ESR2: variants seen among roughly 807,000 people sequenced by gnomAD.
ESR2 encodes estrogen receptor 2, also known as estrogen receptor beta.
In ESR2, 36 loss-of-function variants were observed where a neutral mutation model predicts 49.6. That is an observed-to-expected ratio of 0.73 (90% CI 0.56 to 0.96). The LOEUF (loss-of-function observed/expected upper bound fraction) is 0.96, where lower values mean the gene tolerates loss of function less well. Ranked by LOEUF, ESR2 falls within the 40% of genes least tolerant of loss-of-function variation. The pLI, the probability that ESR2 is intolerant of heterozygous loss-of-function variation, is 0.00. For missense variants in ESR2, 714 were observed against 693.0 expected, an observed-to-expected ratio of 1.03 and a Z score of -0.34; for synonymous variants, 320 against 266.1, an observed-to-expected ratio of 1.20 and a Z score of -1.97.
intron 3 of ESR2, among the ~76,000 whole-genome samples, chr14:64,277,535 G>A (rs1028571863): frequency 3.4e-5 from 5 of 148,218 alleles, no homozygotes; most frequent in Non-Finnish European, 7.4e-5. Flanking sequence ...TGAGGCAGGA[G>A]AATGGTGTGA....
chr14:64,288,480 T>C (rs2076817730), intron 1 of ESR2, among the ~76,000 whole-genome samples: 1 of 151,746 alleles, frequency 6.6e-6, no homozygotes, highest in South Asian at 2.1e-4. Context: ...CTCAAGTAGC[T>C]GGGACTACAG....
At chr14:64,307,007 G>T (rs1023544902) in intron 1 of ESR2, among the ~76,000 whole-genome samples, 2 of 151,532 alleles carry the variant, frequency 1.3e-5, no homozygotes, top group African/African-American at 2.4e-5. Flanking sequence ...TGGTAATTTG[G>T]TTTTTTTCAA....
intron 1 of ESR2, among the ~76,000 whole-genome samples, chr14:64,328,901 G>C (rs1296569993): frequency 2.0e-5 from 3 of 152,010 alleles, no homozygotes; most frequent in African/African-American, 7.2e-5. Context: ...TAGCCCCTTG[G>C]CTCTGATATT....
chr14:64,252,089 G>T (rs1460479430), intron 6 of ESR2, among the ~76,000 whole-genome samples: 3 of 152,128 alleles, frequency 2.0e-5, no homozygotes, highest in African/African-American at 7.2e-5. Flanking sequence ...GGCCAAAGTG[G>T]GAGGATCACT....
At chr14:64,227,729 T>C, downstream of ESR2, 1 of 1,568,204 alleles carries the variant, frequency 6.4e-7, no homozygotes, top group East Asian at 2.2e-5. Flanking sequence ...TAAGGGCCTT[T>C]AAGCTGGTTT....
chr14:64,235,205 G>T, intron 7 of ESR2, 55 bp from the exon 8 acceptor site: 8 of 1,570,676 alleles, frequency 5.1e-6, no homozygotes, highest in Non-Finnish European at 6.9e-6. Context: ...AGCAGAAGTC[G>T]TGTGCTCAGC....
upstream of ESR2, among the ~76,000 whole-genome samples, chr14:64,298,006 C>T (rs1159896970): frequency 3.3e-5 from 5 of 152,088 alleles, no homozygotes; most frequent in South Asian, 2.1e-4. Flanking sequence ...ATTAATTGAA[C>T]GTGCAATAAC....
intron 7 of ESR2, among the ~76,000 whole-genome samples, chr14:64,246,494 C>T (rs1025982967): frequency 6.6e-6 from 1 of 151,980 alleles, no homozygotes; most frequent in Admixed American, 6.6e-5. Context: ...AATCTCTTTC[C>T]TTTATAAATT....
intron 8 of ESR2, chr14:64,234,637 G>T (rs1321925640): frequency 2.3e-6 from 1 of 438,026 alleles, no homozygotes; most frequent in East Asian, 3.5e-5. Context: ...CAGGGCCTCA[G>T]CCCTGGGTGG....
intron 7 of ESR2, among the ~76,000 whole-genome samples, chr14:64,237,931 G>A (rs1344577050): frequency 1.3e-5 from 2 of 152,314 alleles, no homozygotes; most frequent in East Asian, 3.9e-4. Context: ...TTCAGGTGAT[G>A]AAAATGTTCT....
rs140308562 is a variant in ESR2, at chr14:64,317,192, G to C, written c.-91+20706C>G. 8.8e-3 allele frequency among the ~76,000 whole-genome samples: 1,346 copies of C among 152,352 alleles called. 11 individuals carry two copies. Among genetic ancestry groups the C allele is most frequent in the Middle Eastern group, 0.02 (6 of 294 alleles). ...GAGGTGGGAGAACCACTTGAACCCA[G>C]AGGCAGAGGTTGCAGTGGGCCCAGG... On this transcript the variant is annotated intron_variant, in intron 1 of 8. Coordinates refer to the ESR2 transcript ENST00000358599.
intron 7 of ESR2, among the ~76,000 whole-genome samples, chr14:64,246,751 A>T (rs890210862): frequency 6.9e-6 from 1 of 145,860 alleles, no homozygotes. Context: ...AAAAAAAAAA[A>T]AAAAAAAAAA....
chr14:64,252,290 CCA>C (rs2076003356), intron 6 of ESR2, among the ~76,000 whole-genome samples: 1 of 136,118 alleles, frequency 7.3e-6, no homozygotes, highest in East Asian at 2.0e-4. Context: ...CCAGCCTGGG[CCA>C]CAGAGCGGGA....
intron 8 of ESR2, chr14:64,233,922 A>C (rs1194415245): frequency 2.6e-5 from 4 of 152,752 alleles, no homozygotes; most frequent in African/African-American, 9.7e-5. Flanking sequence ...AAGTCACCAA[A>C]AGCACAAAAA....
In ESR2 at chr14:64,257,383, G is replaced by A. The variant is rs372294809; in HGVS notation, c.953-19C>T. On this transcript the variant is annotated intron_variant, in intron 5 of 8. Coordinates refer to ENST00000341099, the MANE Select transcript of ESR2 (RefSeq NM_001437.3). ...ACAAAGCCTGGGGAAAGCAAGAGGC[G>A]GTGAGACACCCCCACCCCTCCTCCT... 1.1e-5 allele frequency: 17 copies of A among 1,611,936 alleles called. No homozygotes were observed. Among genetic ancestry groups the A allele is most frequent in the Admixed American group, 1.7e-5 (1 of 59,986 alleles).
rs182092785 is a variant in ESR2 at position 64,282,100 on chromosome 14, T to C, written c.362+524A>G. Among the ~76,000 whole-genome samples, 858 of 152,322 alleles carry C rather than the reference T, an allele frequency of 5.6e-3. 1 individual carries two copies. Among genetic ancestry groups the C allele is most frequent in the Non-Finnish European group, 6.8e-3 (465 of 68,018 alleles). ...TCATCACGTCTGTAATCCCAGCACTTTGGGAGGCCAAGGCAGGTGGATCAT... is the reference window on the plus strand; with the variant it reads ...TCATCACGTCTGTAATCCCAGCACTCTGGGAGGCCAAGGCAGGTGGATCAT... On this transcript the variant is annotated intron_variant, in intron 2 of 8. Transcript: ENST00000341099.
chr14:64,328,936 T>C (rs1294795846), intron 1 of ESR2, among the ~76,000 whole-genome samples: 4 of 152,250 alleles, frequency 2.6e-5, no homozygotes, highest in Admixed American at 2.6e-4. Context: ...TAAATTCTTA[T>C]TTAAAAATAA....
At chr14:64,295,571 C>G (rs919127873), upstream of ESR2, among the ~76,000 whole-genome samples, 12 of 152,118 alleles carry the variant, frequency 7.9e-5, no homozygotes, top group Admixed American at 5.9e-4. Flanking sequence ...GTCTCCCTGT[C>G]CTTGAGGCAG....
intron 2 of ESR2, among the ~76,000 whole-genome samples, chr14:64,280,413 T>G (rs1242235667): frequency 6.6e-6 from 1 of 152,190 alleles, no homozygotes; most frequent in African/African-American, 2.4e-5. Flanking sequence ...CTGATGAGCA[T>G]TTGTCACTGC....
Sources: gnomAD v4.1 joint callset for allele counts (sites outside exome capture counted in the v4.1 genomes callset) on GRCh38, gnomAD v4.1.1 for gene constraint, MANE v1.5 for transcripts, NCBI Gene and HGNC (gene_info 2026-07-23, HGNC 2026-07-21) for gene names.